EDRF1: variants seen among roughly 807,000 people sequenced by gnomAD.
EDRF1 encodes the protein erythroid differentiation-related factor 1.
In EDRF1, 69 loss-of-function variants were observed where a neutral mutation model predicts 148.7. The observed-to-expected ratio is 0.46, with a 90% CI of 0.38 to 0.57. The LOEUF (loss-of-function observed/expected upper bound fraction) is 0.57, where lower values mean the gene tolerates loss of function less well. Ranked by LOEUF, EDRF1 falls within the 20% of genes least tolerant of loss-of-function variation. The pLI is 0.00. For synonymous variants in EDRF1, 515 were observed against 532.8 expected, an observed-to-expected ratio of 0.97 and a Z score of 0.46; for missense variants, 1,118 against 1,478.7, an observed-to-expected ratio of 0.76 and a Z score of 4.00.
intron 23 of EDRF1, 91 bp downstream of exon 23, chr10:125,753,005 GTA>G: frequency 1.2e-6 from 1 of 840,942 alleles, no homozygotes; most frequent in African/African-American, 1.7e-5. Flanking sequence ...ATGTGTGTGG[GTA>G]TATATACACA....
chr10:125,749,341 C>CT (rs1849530982), intron 21 of EDRF1, 71 bp from the exon 22 acceptor site: 2 of 1,581,700 alleles, frequency 1.3e-6, no homozygotes, highest in African/African-American at 1.3e-5. Flanking sequence ...GGAAAAATAA[C>CT]TAAGAAGCAC....
At chr10:125,743,840 C>G (rs1849168976) in intron 18 of EDRF1, among the ~76,000 whole-genome samples, 1 of 151,944 alleles carries the variant, frequency 6.6e-6, no homozygotes, top group African/African-American at 2.4e-5. Flanking sequence ...TGCAAGTGTA[C>G]GTTTAGAGGG....
chr10:125,748,229 G>A (rs551130656), intron 21 of EDRF1: 15 of 613,052 alleles, frequency 2.4e-5, no homozygotes, highest in Middle Eastern at 4.5e-4. Context: ...AAACGAATCC[G>A]CTGTTGGTGT....
At chr10:125,745,473 T>TA (rs1437966104) in intron 18 of EDRF1, 4 of 570,008 alleles carry the variant, frequency 7.0e-6, no homozygotes, top group African/African-American at 3.8e-5. Flanking sequence ...CTGTCCTAAA[T>TA]ACAGTCACAT....
chr10:125,725,154 A>G (rs1256806892), intron 4 of EDRF1, among the ~76,000 whole-genome samples, 164 bp from the exon 5 acceptor site: 2 of 152,248 alleles, frequency 1.3e-5, no homozygotes, highest in African/African-American at 4.8e-5. Context: ...AACAAAAAAC[A>G]AAAGAAAGGT....
intron 4 of EDRF1, 79 bp from the exon 5 acceptor site, chr10:125,725,239 C>T: frequency 1.9e-6 from 3 of 1,556,330 alleles, no homozygotes; most frequent in South Asian, 2.3e-5. Flanking sequence ...TAATAGGAGC[C>T]TTTTCTGTAA....
intron 21 of EDRF1, 26 bp from the exon 22 acceptor site, chr10:125,749,386 T>G: frequency 6.2e-7 from 1 of 1,614,198 alleles, no homozygotes; most frequent in Non-Finnish European, 8.5e-7. Context: ...GTGAAGGATT[T>G]GTTGCTTGTT....
intron 9 of EDRF1, among the ~76,000 whole-genome samples, chr10:125,730,971 C>G (rs963871567): frequency 6.6e-6 from 1 of 151,980 alleles, no homozygotes; most frequent in Admixed American, 6.6e-5. Context: ...TAGTGAGACC[C>G]TAATTGTAGA....
At chr10:125,755,026 T>A (rs1012505766) in intron 24 of EDRF1, among the ~76,000 whole-genome samples, 1 of 152,162 alleles carries the variant, frequency 6.6e-6, no homozygotes, top group African/African-American at 2.4e-5. Flanking sequence ...ACTCCAAGAA[T>A]TCCCTCCTGC....
At position 125,741,073 on chromosome 10, in the gene EDRF1, G is replaced by A; in HGVS notation, c.2243G>A (p.Cys748Tyr). 3 of 1,614,042 alleles carry A rather than the reference G, an allele frequency of 1.9e-6. No homozygotes were observed. Among genetic ancestry groups the A allele is most frequent in the South Asian group, 1.1e-5 (1 of 91,072 alleles). Residue 748 changes from cysteine to tyrosine, a missense_variant, in exon 17 of 25, where the codon TGT becomes TAT. By Grantham distance (194) the Cys-to-Tyr change is radical. Coordinates refer to ENST00000356792, the MANE Select transcript of EDRF1 (RefSeq NM_001202438.2). Reference protein sequence around the residue: ...LLFLSQYLTLCGDIQLMLAQN... With the variant: ...LLFLSQYLTLYGDIQLMLAQN... ...TTTCTCTCTCAATATTTGACACTTT[G>A]TGGTGATATCCAACTAATGCTGGCC...
chr10:125,747,933 G>A lies in EDRF1; in HGVS notation c.3044G>A (p.Arg1015Gln), dbSNP rs768167416. The change falls in exon 21 of 25, where the codon CGA becomes CAA. Residue 1015 changes from arginine to glutamine, a missense_variant. By Grantham distance (43) the Arg-to-Gln change is conservative. This residue lies in a region of EDRF1 where 954 missense variants were observed against 1,241.4 expected (regional missense o/e 0.77). Transcript: ENST00000356792. ...KYCDVDSVSARQPLCQYRAAT... is the reference protein window; with the variant it reads ...KYCDVDSVSAQQPLCQYRAAT... ...TGCGATGTGGATTCAGTGTCTGCTC[G>A]ACAGCCCCTTTGTCAGTATCGAGCT... 3.7e-6 allele frequency: 6 copies of A among 1,614,026 alleles called. No homozygotes were observed. The highest frequency in any genetic ancestry group is 1.1e-5 in the South Asian group (1 of 91,080).
At chr10:125,721,038 A>G (rs1427120379) in intron 1 of EDRF1, among the ~76,000 whole-genome samples, 166 bp from the exon 2 acceptor site, 1 of 152,172 alleles carries the variant, frequency 6.6e-6, no homozygotes, top group Non-Finnish European at 1.5e-5. Flanking sequence ...TAAAAGAACT[A>G]AGTAAATGTT....
At position 125,725,322 on chromosome 10, in the gene EDRF1, G is replaced by A. The variant is rs754699996; in HGVS notation, c.515G>A (p.Gly172Asp). ...TATGTATCTCATGTTATCCAGACTG[G>A]TGACTGGACATGGTTGAAAGAGTTT... ...QELFMRSSQT[G>D]DWTWLKEFYQ... The change falls in exon 5 of 25, where the codon GGT becomes GAT. Residue 172 changes from glycine (G) to aspartate (D), a missense_variant. Physicochemically the swap from Gly to Asp is moderately conservative, Grantham distance 94. Coordinates refer to ENST00000356792, the MANE Select transcript of EDRF1 (RefSeq NM_001202438.2). The A allele has an allele frequency of 8.7e-6, 14 of 1,613,952 alleles. No homozygotes were observed. The highest frequency in any genetic ancestry group is 8.5e-6 in the Non-Finnish European group (10 of 1,179,920).
chr10:125,727,306 CT>C (rs1413735139), intron 6 of EDRF1, among the ~76,000 whole-genome samples: 1 of 152,208 alleles, frequency 6.6e-6, no homozygotes, highest in East Asian at 1.9e-4. Context: ...TTACAGAGTA[CT>C]TTTCTTATAT....
rs759634971 is a variant in EDRF1, at chr10:125,745,937, C to T, written c.2814+7C>T. The T allele has an allele frequency of 1.3e-5, 21 of 1,612,974 alleles. No individual in the cohort carries two copies. In the East Asian group the frequency reaches 4.7e-4, roughly 36 times the overall value. ...AGGCTTGTATTATAATAAGGTAACA[C>T]ATTCGCGTACATGTTGGGCCTCACC... On this transcript the variant is annotated splice_region_variant and intron_variant, in intron 19 of 24. Coordinates refer to ENST00000356792, the MANE Select transcript of EDRF1 (RefSeq NM_001202438.2).
chr10:125,749,093 A>C (rs1308556736), intron 21 of EDRF1: 1 of 356,880 alleles, frequency 2.8e-6, no homozygotes, highest in Non-Finnish European at 5.3e-6. Flanking sequence ...AAAAAATTAA[A>C]AAATTAGCCA....
At chr10:125,737,845 A>G (rs1329134054) in intron 13 of EDRF1, 73 bp from the exon 14 acceptor site, 5 of 1,440,668 alleles carry the variant, frequency 3.5e-6, no homozygotes, top group Admixed American at 1.7e-5. Context: ...CAGTAATTTA[A>G]TCTTCAACAA....
At position 125,753,709 on chromosome 10, in the gene EDRF1, G is replaced by T; in HGVS notation, c.3409G>T (p.Ala1137Ser). The change falls in exon 24 of 25, where the codon GCC becomes TCC. Residue 1137 changes from alanine (A) to serine (S), a missense_variant. Transcript: ENST00000356792. ...EEFGQPKSGD[A>S]AAAADASPSL... ...TTGTTTTTAGCCTAAGAGTGGTGAC[G>T]CCGCTGCAGCTGCTGATGCTTCTCC... 1 of 1,613,986 alleles carries T rather than the reference G, an allele frequency of 6.2e-7. No individual in the cohort carries two copies. The highest frequency in any genetic ancestry group is 2.2e-5 in the East Asian group (1 of 44,870).
chr10:125,721,924 G>GA (rs1453646043), intron 2 of EDRF1, among the ~76,000 whole-genome samples: 1 of 152,168 alleles, frequency 6.6e-6, no homozygotes, highest in African/African-American at 2.4e-5. Flanking sequence ...GTCTTATAGA[G>GA]AAAAATGTAT....
Sources: allele counts gnomAD v4.1 joint callset (sites outside exome capture counted in the v4.1 genomes callset), GRCh38; gene constraint gnomAD v4.1.1; regional missense constraint gnomAD v4.1.1; transcripts MANE v1.5; gene names NCBI Gene and HGNC (gene_info 2026-07-23, HGNC 2026-07-21).